The following CCDC47 variants were observed in gnomAD, a reference collection of about 807,000 sequenced individuals.
The protein encoded by CCDC47 is PAT complex subunit CCDC47.
A neutral mutation model predicts 60.5 loss-of-function variants in CCDC47; 41 were observed. The ratio of observed to expected loss-of-function variants is 0.68; its 90% confidence interval spans 0.53 to 0.88. CCDC47 has a LOEUF of 0.88. CCDC47 is among the 40% of genes least tolerant of loss of function. The probability of loss-of-function intolerance (pLI) is 0.00; values close to 1 mark genes in which losing one functional copy is unlikely to be tolerated. For missense variants in CCDC47, 513 were observed against 580.9 expected (o/e 0.88, Z 1.20); for synonymous variants, 195 against 190.7 (o/e 1.02, Z -0.18).
intron 1 of CCDC47, among the ~76,000 whole-genome samples, chr17:63,770,607 T>C (rs1243185427): frequency 3.3e-5 from 5 of 152,194 alleles, no homozygotes; most frequent in African/African-American, 7.2e-5. Flanking sequence ...ATCTCATTTA[T>C]AGCACTGAAA....
chr17:63,756,319 C>G lies in CCDC47; in HGVS notation c.869G>C (p.Gly290Ala). 1 of 1,614,040 alleles carries G rather than the reference C, an allele frequency of 6.2e-7. No homozygotes were observed. Among genetic ancestry groups the G allele is most frequent in the East Asian group, 2.2e-5 (1 of 44,878 alleles). The part of the protein sequence containing the change: ...SEFCSDKPKS[G>A]AKYGLPDSLA... ...AGAGTCCGGCAGTCCATACTTTGCT[C>G]CAGACTTAGGTTTATCACTACAAAA... is the stretch of plus-strand genomic sequence containing the variant. The change falls in exon 8 of 13, where the codon GGA (glycine) becomes GCA (alanine). Residue 290 changes from glycine to alanine, a missense_variant. By Grantham distance (60) the Gly-to-Ala change is moderately conservative (BLOSUM62 0). Transcript: ENST00000225726.
intron 12 of CCDC47, among the ~76,000 whole-genome samples, chr17:63,748,820 C>T (rs1033640049): frequency 6.6e-6 from 1 of 151,626 alleles, no homozygotes; most frequent in Admixed American, 6.6e-5. Context: ...TCAAGATCAG[C>T]CTGGCCAATG....
chr17:63,764,916 C>T, intron 2 of CCDC47, 69 bp from the exon 3 acceptor site: 1 of 1,552,646 alleles, frequency 6.4e-7, no homozygotes, highest in Non-Finnish European at 8.7e-7. Flanking sequence ...ATTTTGTTGG[C>T]AACATTTGTT....
intron 12 of CCDC47, among the ~76,000 whole-genome samples, chr17:63,748,520 G>A (rs1279815516): frequency 6.6e-6 from 1 of 152,000 alleles, no homozygotes; most frequent in Non-Finnish European, 1.5e-5. Flanking sequence ...TGCCTCCCAG[G>A]TTCGATCCCA....
chr17:63,753,641 T>C, intron 9 of CCDC47: 1 of 982,976 alleles, frequency 1.0e-6, no homozygotes, highest in African/African-American at 1.7e-5. Context: ...TCCTGAACAG[T>C]ATTACTATAA....
chr17:63,769,298 T>C (rs1321828391), intron 1 of CCDC47, among the ~76,000 whole-genome samples: 2 of 150,140 alleles, frequency 1.3e-5, no homozygotes, highest in African/African-American at 2.4e-5. Context: ...ACCCAGATCA[T>C]TTTAGAAGCA....
At chr17:63,771,497 G>A (rs1331594455) in intron 1 of CCDC47, among the ~76,000 whole-genome samples, 1 of 152,134 alleles carries the variant, frequency 6.6e-6, no homozygotes, top group Non-Finnish European at 1.5e-5. Context: ...CTATGGGAAA[G>A]CATGCCACTT....
intron 6 of CCDC47, 60 bp downstream of exon 6, chr17:63,760,850 AAAAG>A (rs1443385600): frequency 1.8e-5 from 22 of 1,205,808 alleles, no homozygotes; most frequent in South Asian, 1.2e-4. Context: ...AAAAAAAAAA[AAAAG>A]AAAGAAAGAA....
chr17:63,757,698 T>A (rs76039866), intron 6 of CCDC47, among the ~76,000 whole-genome samples: 35 of 152,232 alleles, frequency 2.3e-4, no homozygotes, highest in Middle Eastern at 3.4e-3. Flanking sequence ...AAACAAAACC[T>A]AAATGGAATA....
chr17:63,757,979 T>C (rs759534869), intron 6 of CCDC47, among the ~76,000 whole-genome samples: 4 of 152,060 alleles, frequency 2.6e-5, no homozygotes, highest in Non-Finnish European at 5.9e-5. Flanking sequence ...AGGACGAAAT[T>C]GAGTTCTACA....
At chr17:63,767,805 A>G (rs2039307999) in intron 1 of CCDC47, among the ~76,000 whole-genome samples, 1 of 152,154 alleles carries the variant, frequency 6.6e-6, no homozygotes, top group Non-Finnish European at 1.5e-5. Flanking sequence ...GTCATCTCAA[A>G]ATCATCAGGT....
At chr17:63,756,890 C>T (rs936296008) in intron 6 of CCDC47, among the ~76,000 whole-genome samples, 2 of 152,002 alleles carry the variant, frequency 1.3e-5, no homozygotes, top group African/African-American at 4.8e-5. Context: ...GGAAGGTTGG[C>T]GGTAGGGCAC....
At chr17:63,747,261 A>C in intron 12 of CCDC47, 5 of 984,994 alleles carry the variant, frequency 5.1e-6, no homozygotes, top group Non-Finnish European at 6.0e-6. Flanking sequence ...TTTTTTCTGT[A>C]CCCAGGGAAC....
rs2039117331 is a variant in CCDC47, at chr17:63,745,955, C to T, written c.*926G>A. 1 of 152,184 alleles carries T rather than the reference C, an allele frequency of 6.6e-6. No homozygotes were observed. The allele number at this position is 152,184 out of a possible 1,614,324, so 9.4% of individuals were successfully genotyped here. On this transcript the variant is annotated 3_prime_UTR_variant, in exon 13 of 13. Transcript: ENST00000225726. ...TTTGAAAGAACATACCCAGCCTCAA[C>T]TGTGGAAAAGATAAAAGCAGAGGGA...
At chr17:63,770,015 T>C (rs2039325997) in intron 1 of CCDC47, among the ~76,000 whole-genome samples, 2 of 149,624 alleles carry the variant, frequency 1.3e-5, no homozygotes, top group African/African-American at 2.5e-5. Flanking sequence ...GGTTGGAGTG[T>C]AGTGGCGTGA....
At chr17:63,772,305 G>A (rs1255730217) in intron 1 of CCDC47, among the ~76,000 whole-genome samples, 1 of 139,148 alleles carries the variant, frequency 7.2e-6, no homozygotes, top group Non-Finnish European at 1.5e-5. Context: ...CCAGGCTGGA[G>A]TGCAGTGGCA....
chr17:63,758,733 T>G (rs1598307971), intron 6 of CCDC47, among the ~76,000 whole-genome samples: 1 of 152,084 alleles, frequency 6.6e-6, no homozygotes, highest in Non-Finnish European at 1.5e-5. Flanking sequence ...AATTACATCT[T>G]TAAATGCTTG....
chr17:63,758,545 G>T (rs1018949671), intron 6 of CCDC47, among the ~76,000 whole-genome samples: 7 of 151,886 alleles, frequency 4.6e-5, no homozygotes, highest in African/African-American at 1.5e-4. Context: ...AAATTAAAAA[G>T]AATTATTATT....
At chr17:63,753,027 C>T (rs2039179224) in intron 9 of CCDC47, 1 of 647,714 alleles carries the variant, frequency 1.5e-6, no homozygotes, top group Non-Finnish European at 1.9e-6. Context: ...TTGAACACCT[C>T]CAGTGATGTT....
Sources: allele counts gnomAD v4.1 joint callset (sites outside exome capture counted in the v4.1 genomes callset), GRCh38; gene constraint gnomAD v4.1.1; transcripts MANE v1.5; gene names NCBI Gene and HGNC (gene_info 2026-07-23, HGNC 2026-07-21).